The following MAMDC2 variants were observed in gnomAD, a reference collection of about 807,000 sequenced individuals.
The protein encoded by MAMDC2 is MAM domain-containing protein 2.
Under a neutral mutation model 89.8 loss-of-function variants are expected in MAMDC2, and 57 were observed. The ratio of observed to expected loss-of-function variants is 0.63; its 90% CI spans 0.51 to 0.79. The LOEUF (loss-of-function observed/expected upper bound fraction) is 0.79, where lower values mean the gene tolerates loss of function less well. Ranked by LOEUF, MAMDC2 falls within the 30% of genes least tolerant of loss-of-function variation. The pLI, the probability that MAMDC2 is intolerant of heterozygous loss-of-function variation, is 0.00. For synonymous variants in MAMDC2, 313 were observed against 293.4 expected (o/e 1.07, Z -0.68); for missense variants, 800 against 820.6 (o/e 0.97, Z 0.31).
intron 5 of MAMDC2, among the ~76,000 whole-genome samples, chr9:70,114,854 G>A (rs778204180): frequency 3.9e-5 from 6 of 152,152 alleles, no homozygotes; most frequent in Admixed American, 6.5e-5. Context: ...AAAAAAGAAA[G>A]GTGTTGGGAA....
rs1041149137 is a variant in MAMDC2, at chr9:70,202,117, G to A, written c.1652-16220G>A. 6.2e-4 allele frequency among the ~76,000 whole-genome samples: 94 copies of A among 151,892 alleles called. No individual in the cohort carries two copies. The South Asian group carries it at 6.3e-3, about 10-fold the overall frequency. ...CTAGCTTTTGAATGTGTTTGCTCTT[G>A]CTTTTCTGGTTCTTTTAATTGTGAT... is the stretch of plus-strand genomic sequence containing the variant. On this transcript the variant is annotated intron_variant, in intron 11 of 13. Transcript: ENST00000377182.
At chr9:70,075,386 T>C (rs1292475886) in intron 2 of MAMDC2, among the ~76,000 whole-genome samples, 3 of 152,172 alleles carry the variant, frequency 2.0e-5, no homozygotes, top group Non-Finnish European at 4.4e-5. Flanking sequence ...CGCTACAATA[T>C]TTGTTTAAAA....
At chr9:70,215,724 T>C (rs1564003006) in intron 11 of MAMDC2, among the ~76,000 whole-genome samples, 1 of 152,170 alleles carries the variant, frequency 6.6e-6, no homozygotes, top group Non-Finnish European at 1.5e-5. Context: ...TTTTGCTTCT[T>C]TGGGGCAGCG....
chr9:70,108,338 G>A lies in MAMDC2; in HGVS notation c.276G>A (p.Glu92=). 6.2e-7 allele frequency: 1 copy of A among 1,614,116 alleles called. No homozygotes were observed. ...RLVYQITTSS[E]SLSDPSQLNL... Reference sequence around the variant, plus strand: ...TCTACCAGATAACCACATCTTCGGAGTCTCTGTCAGATCCCAGCCAGCTGA... The same window carrying A: ...TCTACCAGATAACCACATCTTCGGAATCTCTGTCAGATCCCAGCCAGCTGA... Residue 92 remains glutamate, a synonymous_variant, in exon 3 of 14, where the codon GAG becomes GAA. Transcript: ENST00000377182.
At chr9:70,048,721 G>A (rs1474212752) in intron 2 of MAMDC2, among the ~76,000 whole-genome samples, 1 of 152,186 alleles carries the variant, frequency 6.6e-6, no homozygotes, top group Non-Finnish European at 1.5e-5. Context: ...GCTGAAATCG[G>A]GGCTGCTTAT....
chr9:70,183,733 T>C (rs1359970986), intron 11 of MAMDC2, among the ~76,000 whole-genome samples: 1 of 152,224 alleles, frequency 6.6e-6, no homozygotes, highest in Admixed American at 6.5e-5. Context: ...TTTGAGCCTA[T>C]GTGTGTCTTT....
intron 11 of MAMDC2, among the ~76,000 whole-genome samples, chr9:70,179,531 AT>A (rs200318492): frequency 0.087 from 7,227 of 83,422 alleles, 227 homozygotes; most frequent in Admixed American, 0.12. Context: ...CTCAAAAAAA[AT>A]AAATAAATAA....
At chr9:70,202,460 A>T (rs2033122019) in intron 11 of MAMDC2, among the ~76,000 whole-genome samples, 1 of 150,600 alleles carries the variant, frequency 6.6e-6, no homozygotes, top group East Asian at 1.9e-4. Context: ...TGCTGAGGAG[A>T]GCTTTACTTC....
chr9:70,107,001 T>C (rs568020521), intron 2 of MAMDC2, among the ~76,000 whole-genome samples: 31 of 152,150 alleles, frequency 2.0e-4, no homozygotes, highest in African/African-American at 7.5e-4. Context: ...GCTTTTCAGA[T>C]CCTTTCTCGT....
chr9:70,128,805 T>A (rs1263858173), intron 6 of MAMDC2, among the ~76,000 whole-genome samples: 1 of 152,112 alleles, frequency 6.6e-6, no homozygotes, highest in Non-Finnish European at 1.5e-5. Context: ...TACAGGCATG[T>A]GCCACCACAC....
At chr9:70,112,125 C>G (rs975218937) in intron 4 of MAMDC2, among the ~76,000 whole-genome samples, 2 of 152,166 alleles carry the variant, frequency 1.3e-5, no homozygotes, top group African/African-American at 4.8e-5. Flanking sequence ...CAGGACCTAT[C>G]AGGTGGAGAA....
chr9:70,221,406 G>GAGAGAGAGAGAGAGAGAGAGAA (rs1564005273), intron 12 of MAMDC2, among the ~76,000 whole-genome samples: 1 of 117,034 alleles, frequency 8.5e-6, no homozygotes, highest in Non-Finnish European at 1.8e-5. Flanking sequence ...GAGAGAGAGA[G>GAGAGAGAGAGAGAGAGAGAGAA]AGTAACATCA....
chr9:70,048,199 T>C (rs1826803662), intron 2 of MAMDC2, among the ~76,000 whole-genome samples: 1 of 152,206 alleles, frequency 6.6e-6, no homozygotes. Context: ...AGTGATACTA[T>C]GTCAGACTCA....
At chr9:70,195,411 A>C (rs2032957621) in intron 11 of MAMDC2, among the ~76,000 whole-genome samples, 2 of 152,126 alleles carry the variant, frequency 1.3e-5, no homozygotes, top group African/African-American at 4.8e-5. Context: ...TCCTGGCAGA[A>C]ACAGAAAGTT....
intron 2 of MAMDC2, 149 bp downstream of exon 2, chr9:70,044,846 T>C (rs1211710985): frequency 1.4e-6 from 1 of 716,826 alleles, no homozygotes; most frequent in Non-Finnish European, 2.4e-6. Flanking sequence ...CCCTCAGCTG[T>C]GCTGCAAGGG....
At chr9:70,046,627 T>C (rs761030918) in intron 2 of MAMDC2, among the ~76,000 whole-genome samples, 1 of 152,218 alleles carries the variant, frequency 6.6e-6, no homozygotes, top group Non-Finnish European at 1.5e-5. Context: ...AGTTGGCACC[T>C]CTGCCCCAGG....
At chr9:70,225,024 T>C (rs1021566518) in intron 12 of MAMDC2, among the ~76,000 whole-genome samples, 1 of 152,184 alleles carries the variant, frequency 6.6e-6, no homozygotes, top group Admixed American at 6.5e-5. Context: ...ATAGAGCAAA[T>C]GTGTCTTCTG....
At chr9:70,109,677 T>A (rs778547304) in intron 3 of MAMDC2, 43 bp from the exon 4 acceptor site, 1 of 1,454,622 alleles carries the variant, frequency 6.9e-7, no homozygotes, top group Non-Finnish European at 9.6e-7. Flanking sequence ...GGAAACATGA[T>A]GTTTTGAAGT....
chr9:70,052,914 C>T (rs1451897573), intron 2 of MAMDC2, among the ~76,000 whole-genome samples: 1 of 152,152 alleles, frequency 6.6e-6, no homozygotes. Context: ...TGCCAATGGA[C>T]AAAAAGCTCT....
Sources: gnomAD v4.1 joint callset for allele counts (sites outside exome capture counted in the v4.1 genomes callset) on GRCh38, gnomAD v4.1.1 for gene constraint, MANE v1.5 for transcripts, NCBI Gene and HGNC (gene_info 2026-07-23, HGNC 2026-07-21) for gene names.